The following FRRS1 variants were observed in gnomAD, a reference collection of about 807,000 sequenced individuals.
The protein encoded by FRRS1 is ferric chelate reductase 1, also known as ferric reductase 1.
In FRRS1, 51 loss-of-function variants were observed where a neutral mutation model predicts 70.7. The ratio of observed to expected loss-of-function variants is 0.72; its 90% CI spans 0.58 to 0.91. The LOEUF is 0.91. Ranked by LOEUF, FRRS1 falls within the 40% of genes least tolerant of loss-of-function variation. The pLI is 0.00. For synonymous variants in FRRS1, 225 were observed against 238.7 expected (o/e 0.94, Z 0.53); for missense variants, 672 against 726.0 (o/e 0.93, Z 0.86).
chr1:99,717,897 T>C (rs1433180707), intron 10 of FRRS1, among the ~76,000 whole-genome samples: 1 of 152,222 alleles, frequency 6.6e-6, no homozygotes, highest in Non-Finnish European at 1.5e-5. Context: ...AAACCCTATC[T>C]GGTTTCAGCA....
chr1:99,726,473 T>C (rs1275569095), intron 9 of FRRS1, among the ~76,000 whole-genome samples: 1 of 152,220 alleles, frequency 6.6e-6, no homozygotes, highest in Admixed American at 6.5e-5. Flanking sequence ...GCTACTTGTT[T>C]GATTTTGAAC....
At chr1:99,717,646 T>A in intron 10 of FRRS1, 121 bp from the exon 11 acceptor site, 1 of 676,488 alleles carries the variant, frequency 1.5e-6, no homozygotes, top group Non-Finnish European at 2.7e-6. Context: ...CTGACATAAG[T>A]ACAACCTAAA....
chr1:99,719,499 G>C lies in FRRS1; in HGVS notation c.1120+35C>G, dbSNP rs114530804. 1.8e-4 allele frequency: 197 copies of C among 1,102,130 alleles called. No homozygotes were observed. In the African/African-American group the frequency reaches 2.8e-3, roughly 15 times the overall value. The allele number at this position is 1,102,130 out of a possible 1,614,324, so 68.3% of individuals were successfully genotyped here. On this transcript the variant is annotated intron_variant, in intron 10 of 16. Coordinates refer to ENST00000646001, the MANE Select transcript of FRRS1 (RefSeq NM_001361041.2). ...CAGCCAGCACTGAGTCAGCAGGTAA[G>C]TTGATTCCACAAAGTAGTTACACAT...
chr1:99,756,930 A>G (rs1656864768), intron 1 of FRRS1, among the ~76,000 whole-genome samples: 2 of 152,190 alleles, frequency 1.3e-5, no homozygotes, highest in African/African-American at 4.8e-5. Flanking sequence ...ATTACCTAAG[A>G]TATGAGTGAA....
intron 7 of FRRS1, among the ~76,000 whole-genome samples, chr1:99,729,996 CAT>C (rs1452556028): frequency 6.6e-6 from 1 of 152,258 alleles, no homozygotes; most frequent in Non-Finnish European, 1.5e-5. Context: ...AGATATATAA[CAT>C]GTTTATATGT....
At chr1:99,734,989 T>G (rs1241006597) in intron 7 of FRRS1, among the ~76,000 whole-genome samples, 2 of 152,166 alleles carry the variant, frequency 1.3e-5, no homozygotes, top group South Asian at 2.1e-4. Context: ...AGGAAGCTAA[T>G]GCGCATACTT....
chr1:99,737,287 C>G (rs11166315), intron 7 of FRRS1, among the ~76,000 whole-genome samples: 75,074 of 152,012 alleles, frequency 0.49, 22,541 homozygotes, highest in African/African-American at 0.85. Context: ...ATAAATGCTG[C>G]CTTCTGCTGA....
At chr1:99,746,751 A>G (rs1340678695) in intron 4 of FRRS1, among the ~76,000 whole-genome samples, 1 of 152,260 alleles carries the variant, frequency 6.6e-6, no homozygotes, top group East Asian at 1.9e-4. Flanking sequence ...GGACCCTCCT[A>G]TGATATAGCA....
At chr1:99,715,102 C>G (rs2100907334) in intron 12 of FRRS1, among the ~76,000 whole-genome samples, 1 of 152,234 alleles carries the variant, frequency 6.6e-6, no homozygotes, top group East Asian at 1.9e-4. Flanking sequence ...AGCAATCCTC[C>G]CGCCTCAGCC....
rs1208313181 is a variant in FRRS1 at position 99,704,240 on chromosome 1, A to T, written c.*4788T>A. 1.3e-5 allele frequency among the ~76,000 whole-genome samples: 2 copies of T among 152,188 alleles called. No individual in the cohort carries two copies. The highest frequency in any genetic ancestry group is 2.9e-5 in the Non-Finnish European group (2 of 68,034). Reference sequence around the variant, plus strand: ...ACTTACCCAAGGACATGCAGCTTGTAAACCAACAAGCAAACATGCACATTC... The same window carrying T: ...ACTTACCCAAGGACATGCAGCTTGTTAACCAACAAGCAAACATGCACATTC... On this transcript the variant is annotated 3_prime_UTR_variant, in exon 17 of 17. Coordinates refer to ENST00000646001, the MANE Select transcript of FRRS1 (RefSeq NM_001361041.2).
intron 7 of FRRS1, among the ~76,000 whole-genome samples, chr1:99,736,586 A>G: frequency 7.6e-6 from 1 of 132,434 alleles, no homozygotes; most frequent in Admixed American, 7.8e-5. Flanking sequence ...ACATGGACAC[A>G]GGAAGGGGGA....
At chr1:99,740,613 AG>A (rs769605232) in intron 6 of FRRS1, among the ~76,000 whole-genome samples, 179 bp downstream of exon 6, 9 of 152,204 alleles carry the variant, frequency 5.9e-5, no homozygotes, top group Non-Finnish European at 8.8e-5. Flanking sequence ...CATATTATTT[AG>A]ATTACATTTA....
chr1:99,721,880 A>G (rs1654847056), intron 9 of FRRS1, among the ~76,000 whole-genome samples: 1 of 152,098 alleles, frequency 6.6e-6, no homozygotes, highest in South Asian at 2.1e-4. Flanking sequence ...AATAGGAGTG[A>G]GCAACCACGC....
Position 99,717,511 on chromosome 1 carries a change from C to T in FRRS1, c.1135G>A (p.Val379Met). 1 of 1,612,174 alleles carries T rather than the reference C, an allele frequency of 6.2e-7. No individual in the cohort carries two copies. The highest frequency in any genetic ancestry group is 8.5e-7 in the Non-Finnish European group (1 of 1,178,262). The part of the protein sequence containing the change: ...LLKVHGALMF[V>M]AWMTTVSIGV... ...ATGCTAACAGTAGTCATCCATGCCA[C>T]AAACATTAAGGCACCTACAAGTGAG... Residue 379 changes from valine to methionine, a missense_variant, in exon 11 of 17, where the codon GTG (valine) becomes ATG (methionine). By Grantham distance (21) the Val-to-Met change is conservative. Transcript: ENST00000646001.
chr1:99,761,671 A>T (rs547488907), intron 1 of FRRS1, among the ~76,000 whole-genome samples: 10 of 152,296 alleles, frequency 6.6e-5, no homozygotes, highest in Non-Finnish European at 1.3e-4. Context: ...TGCCTGCTCT[A>T]TTCCAGTCAT....
At chr1:99,731,276 A>G (rs1326931616) in intron 7 of FRRS1, among the ~76,000 whole-genome samples, 1 of 152,206 alleles carries the variant, frequency 6.6e-6, no homozygotes, top group Non-Finnish European at 1.5e-5. Context: ...TAGTCACCCA[A>G]TTCCTTAAAC....
intron 1 of FRRS1, among the ~76,000 whole-genome samples, chr1:99,766,064 C>T (rs1657339704): frequency 6.6e-6 from 1 of 152,000 alleles, no homozygotes; most frequent in African/African-American, 2.4e-5. Flanking sequence ...GTATGACAAG[C>T]ACACACAAAA....
In FRRS1 at chr1:99,750,419, G is replaced by A. The variant is rs115407916; in HGVS notation, c.-105-1418C>T. Among the ~76,000 whole-genome samples, 717 of 152,302 alleles carry A rather than the reference G, an allele frequency of 4.7e-3. 8 individuals carry two copies. The highest frequency in any genetic ancestry group is 0.016 in the African/African-American group (684 of 41,560). On this transcript the variant is annotated intron_variant, in intron 1 of 16. Coordinates refer to ENST00000646001, the MANE Select transcript of FRRS1 (RefSeq NM_001361041.2). ...GAGCAAGCCTCAGAACCAGACTTAGGTATGATGGAGATGTTGGAATTATTA... is the reference window on the plus strand; with the variant it reads ...GAGCAAGCCTCAGAACCAGACTTAGATATGATGGAGATGTTGGAATTATTA...
intron 7 of FRRS1, among the ~76,000 whole-genome samples, chr1:99,734,774 G>C (rs1251269589): frequency 1.3e-5 from 2 of 152,144 alleles, no homozygotes; most frequent in Non-Finnish European, 2.9e-5. Context: ...GGAAGACAAG[G>C]AGACATCAGG....
Sources: allele counts gnomAD v4.1 joint callset (sites outside exome capture counted in the v4.1 genomes callset), GRCh38; gene constraint gnomAD v4.1.1; transcripts MANE v1.5; gene names NCBI Gene and HGNC (gene_info 2026-07-23, HGNC 2026-07-21).